Variants in DLGAP2 observed in about 807,000 individuals in gnomAD.
DLGAP2 encodes the protein disks large-associated protein 2.
A neutral mutation model predicts 100.3 loss-of-function variants in DLGAP2; 26 were observed. The observed-to-expected ratio is 0.26, with a 90% CI of 0.19 to 0.36. DLGAP2 has a LOEUF of 0.36. Among genes scored for constraint, DLGAP2 ranks in the 10% least tolerant of loss-of-function variants. The probability of loss-of-function intolerance (pLI) is 1.00; values close to 1 mark genes in which losing one functional copy is unlikely to be tolerated. For synonymous variants in DLGAP2, 886 were observed against 630.1 expected, an observed-to-expected ratio of 1.41 and a Z score of -6.08; for missense variants, 1,858 against 1,453.2, an observed-to-expected ratio of 1.28 and a Z score of -4.53.
intron 3 of DLGAP2, among the ~76,000 whole-genome samples, chr8:1,260,519 G>C (rs1272410292): frequency 6.6e-6 from 1 of 152,152 alleles, no homozygotes; most frequent in Non-Finnish European, 1.5e-5. Context: ...CAGTAAATCT[G>C]AATCCATGAT....
At chr8:786,912 T>C (rs1216736425) in intron 1 of DLGAP2, among the ~76,000 whole-genome samples, 1 of 152,108 alleles carries the variant, frequency 6.6e-6, no homozygotes, top group African/African-American at 2.4e-5. Context: ...ACCTCTAAGA[T>C]GAGATGCCTC....
intron 4 of DLGAP2, among the ~76,000 whole-genome samples, chr8:1,520,583 T>G (rs1323198959): frequency 6.6e-6 from 1 of 152,118 alleles, no homozygotes; most frequent in Non-Finnish European, 1.5e-5. Context: ...GTGCTCCCCC[T>G]ATTCATCCCT....
At chr8:1,320,162 G>C (rs1035763624) in intron 3 of DLGAP2, among the ~76,000 whole-genome samples, 2 of 152,104 alleles carry the variant, frequency 1.3e-5, no homozygotes, top group Non-Finnish European at 2.9e-5. Context: ...TGTTCCAGCT[G>C]AGTGTTGAGT....
intron 3 of DLGAP2, among the ~76,000 whole-genome samples, chr8:1,335,888 C>T (rs772229720): frequency 4.0e-5 from 6 of 151,558 alleles, no homozygotes; most frequent in Non-Finnish European, 7.4e-5. Flanking sequence ...CGGGGCTGCG[C>T]GTGGTGACGC....
At chr8:1,455,807 C>G (rs180950998) in intron 3 of DLGAP2, among the ~76,000 whole-genome samples, 5 of 152,234 alleles carry the variant, frequency 3.3e-5, no homozygotes, top group African/African-American at 4.8e-5. Context: ...GGCACCACCT[C>G]CTCCCATCAG....
intron 1 of DLGAP2, among the ~76,000 whole-genome samples, chr8:824,395 C>G (rs35856917): frequency 0.25 from 38,685 of 152,158 alleles, 5,340 homozygotes; most frequent in African/African-American, 0.35. Context: ...TCTTCTTTCT[C>G]TGGTTCAGCA....
intron 1 of DLGAP2, among the ~76,000 whole-genome samples, chr8:868,597 A>G (rs1797540125): frequency 6.6e-6 from 1 of 152,178 alleles, no homozygotes; most frequent in Non-Finnish European, 1.5e-5. Flanking sequence ...AGATGATCTA[A>G]AGAAGAGCTG....
intron 3 of DLGAP2, among the ~76,000 whole-genome samples, chr8:1,418,941 A>C (rs936628540): frequency 6.6e-6 from 1 of 152,180 alleles, no homozygotes; most frequent in Non-Finnish European, 1.5e-5. Context: ...GAACTCGGGG[A>C]AACACTTTAC....
At chr8:809,418 A>G (rs1032753056) in intron 1 of DLGAP2, among the ~76,000 whole-genome samples, 4 of 149,292 alleles carry the variant, frequency 2.7e-5, no homozygotes, top group Admixed American at 2.7e-4. Flanking sequence ...AAAATACGTC[A>G]TCAGTAACGT....
intron 2 of DLGAP2, among the ~76,000 whole-genome samples, chr8:1,225,815 A>G (rs1047218520): frequency 6.6e-6 from 1 of 152,222 alleles, no homozygotes; most frequent in Non-Finnish European, 1.5e-5. Context: ...AATATATTGT[A>G]TAAATCAAAA....
At chr8:877,713 A>G (rs1422121336) in intron 1 of DLGAP2, among the ~76,000 whole-genome samples, 1 of 152,152 alleles carries the variant, frequency 6.6e-6, no homozygotes, top group Admixed American at 6.5e-5. Context: ...ATCTCTTCCC[A>G]GTTGCATTTC....
intron 12 of DLGAP2, among the ~76,000 whole-genome samples, chr8:1,689,630 C>G (rs1799205626): frequency 6.6e-6 from 1 of 152,104 alleles, no homozygotes. Context: ...TGCAGAGACT[C>G]TCCAGGGAGA....
chr8:1,448,649 A>G (rs568600265), intron 3 of DLGAP2, among the ~76,000 whole-genome samples: 1 of 152,342 alleles, frequency 6.6e-6, no homozygotes, highest in South Asian at 2.1e-4. Context: ...ACAAAATAAT[A>G]CGGCTAAATA....
intron 4 of DLGAP2, among the ~76,000 whole-genome samples, chr8:1,502,300 C>A (rs542337858): frequency 6.6e-6 from 1 of 152,368 alleles, no homozygotes; most frequent in African/African-American, 2.4e-5. Flanking sequence ...TTTAAATGTA[C>A]ATTTTTAAAA....
At chr8:1,539,821 G>A (rs2130486165) in intron 4 of DLGAP2, among the ~76,000 whole-genome samples, 1 of 152,254 alleles carries the variant, frequency 6.6e-6, no homozygotes, top group Non-Finnish European at 1.5e-5. Context: ...ACACAGCTGT[G>A]CCATGAGCAC....
At chr8:1,238,521 T>A in intron 2 of DLGAP2, among the ~76,000 whole-genome samples, 1 of 117,498 alleles carries the variant, frequency 8.5e-6, no homozygotes, top group Admixed American at 8.3e-5. Flanking sequence ...TTCTCTCACA[T>A]GGCGCCGTGT....
At chr8:1,522,975 C>T (rs545591081) in intron 4 of DLGAP2, among the ~76,000 whole-genome samples, 3 of 152,176 alleles carry the variant, frequency 2.0e-5, no homozygotes, top group African/African-American at 7.2e-5. Flanking sequence ...ATGCATTACC[C>T]TTTGCTCTTC....
chr8:1,604,744 C>T (rs947066519), intron 6 of DLGAP2: 1 of 152,026 alleles, frequency 6.6e-6, no homozygotes, highest in African/African-American at 2.4e-5. Flanking sequence ...CCGACACCAG[C>T]CTTTAAATGT....
rs1554439028 is a variant in DLGAP2, at chr8:881,668, C to CACACACAT, written c.19-26237_19-26236insTACACACA. On this transcript the variant is annotated intron_variant, in intron 1 of 14. Coordinates refer to ENST00000637795, the MANE Select transcript of DLGAP2 (RefSeq NM_001346810.2). ...GCGCACGCCACCACTTGTGGCTGAA[C>CACACACAT]ACACACACACACACTTTTTTTTTTT... 4.6e-3 allele frequency among the ~76,000 whole-genome samples: 560 copies of CACACACAT among 121,052 alleles called. 29 individuals carry two copies. The highest frequency in any genetic ancestry group is 4.6e-3 in the Non-Finnish European group (252 of 54,824). The allele number at this position is 121,052 out of a possible 152,430, so 79.4% of individuals were successfully genotyped here.
Sources: allele counts gnomAD v4.1 joint callset (sites outside exome capture counted in the v4.1 genomes callset), GRCh38; gene constraint gnomAD v4.1.1; transcripts MANE v1.5; gene names NCBI Gene and HGNC (gene_info 2026-07-23, HGNC 2026-07-21).